MYH11: variants seen among roughly 807,000 people sequenced by gnomAD.
MYH11 encodes myosin heavy chain 11, also known as myosin-11.
MYH11 carries 80 observed loss-of-function variants against 246.6 expected under a neutral mutation model. The ratio of observed to expected loss-of-function variants is 0.32; its 90% CI spans 0.27 to 0.39. The LOEUF (loss-of-function observed/expected upper bound fraction) is 0.39. Among genes scored for constraint, MYH11 ranks in the 10% least tolerant of loss-of-function variants. The pLI is 1.00. For synonymous variants in MYH11, 1,071 were observed against 1,015.5 expected (o/e 1.05, Z -1.04); for missense variants, 2,158 against 2,546.8 (o/e 0.85, Z 3.29).
At chr16:15,738,735 C>A in intron 23 of MYH11, 47 bp from the exon 24 acceptor site, 1 of 1,603,076 alleles carries the variant, frequency 6.2e-7, no homozygotes, top group Non-Finnish European at 8.5e-7. Flanking sequence ...TTTCTTTTCT[C>A]TAGAATCTAT....
chr16:15,803,131 C>T (rs754057381), intron 3 of MYH11, among the ~76,000 whole-genome samples: 3 of 151,646 alleles, frequency 2.0e-5, no homozygotes, highest in Non-Finnish European at 4.4e-5. Flanking sequence ...AGCAAGACCC[C>T]ATCTCAAAGA....
chr16:15,706,956 A>C (rs1449083735), intron 40 of MYH11, among the ~76,000 whole-genome samples: 2 of 152,180 alleles, frequency 1.3e-5, no homozygotes, highest in Non-Finnish European at 2.9e-5. Flanking sequence ...TTCAAATCCT[A>C]GACCAAGGTT....
In MYH11 at chr16:15,721,700, A is replaced by G. The variant is rs747346244; in HGVS notation, c.4366-66T>C. On this transcript the variant is annotated intron_variant, in intron 31 of 40. Coordinates refer to ENST00000300036, the MANE Select transcript of MYH11 (RefSeq NM_002474.3). ...GGGTCAGCGTCACTGAATTGTAAAT[A>G]CCGGGGGAAGCCCTGTGTCCTGCTG... 1.3e-5 allele frequency: 20 copies of G among 1,551,862 alleles called. 1 individual carries two copies. The highest frequency in any genetic ancestry group is 1.7e-5 in the Non-Finnish European group (19 of 1,125,256).
chr16:15,826,221 A>C (rs901475167), intron 2 of MYH11, among the ~76,000 whole-genome samples: 1 of 152,166 alleles, frequency 6.6e-6, no homozygotes, highest in Non-Finnish European at 1.5e-5. Flanking sequence ...CTGGGACTAC[A>C]TTAGAACATT....
intron 3 of MYH11, among the ~76,000 whole-genome samples, chr16:15,816,454 T>C (rs1292631484): frequency 2.0e-5 from 3 of 151,886 alleles, no homozygotes; most frequent in Admixed American, 2.0e-4. Flanking sequence ...AAAAGAAAAG[T>C]CATACAGAAA....
chr16:15,767,890 C>A (rs778382955), intron 9 of MYH11, among the ~76,000 whole-genome samples: 1 of 151,556 alleles, frequency 6.6e-6, no homozygotes, highest in Non-Finnish European at 1.5e-5. Context: ...TCAGTGCCTC[C>A]AGGAGGAACA....
intron 40 of MYH11, among the ~76,000 whole-genome samples, chr16:15,710,957 C>G (rs1017851768): frequency 6.6e-6 from 1 of 152,164 alleles, no homozygotes; most frequent in Non-Finnish European, 1.5e-5. Context: ...GGATTACAGG[C>G]GTGAGCCACC....
At chr16:15,768,249 G>T (rs1258942239) in intron 9 of MYH11, among the ~76,000 whole-genome samples, 1 of 152,154 alleles carries the variant, frequency 6.6e-6, no homozygotes, top group Admixed American at 6.6e-5. Flanking sequence ...TACCACCAGG[G>T]ATACACAGGA....
intron 40 of MYH11, among the ~76,000 whole-genome samples, chr16:15,708,271 C>G (rs1244068896): frequency 6.6e-6 from 1 of 152,186 alleles, no homozygotes; most frequent in Non-Finnish European, 1.5e-5. Flanking sequence ...AAAGCTGAAT[C>G]ATGGGAGGAC....
intron 29 of MYH11, 23 bp downstream of exon 29, chr16:15,724,865 G>A: frequency 1.2e-6 from 2 of 1,613,898 alleles, no homozygotes; most frequent in Non-Finnish European, 1.7e-6. Context: ...CAGGTCCCCT[G>A]GATGATGTGG....
At chr16:15,827,190 T>A (rs548037733) in intron 2 of MYH11, among the ~76,000 whole-genome samples, 1 of 152,184 alleles carries the variant, frequency 6.6e-6, no homozygotes, top group East Asian at 1.9e-4. Flanking sequence ...CTCCTGCCCT[T>A]AAAGAACTTA....
intron 9 of MYH11, among the ~76,000 whole-genome samples, chr16:15,770,798 G>A (rs1458129963): frequency 6.6e-6 from 1 of 152,094 alleles, no homozygotes; most frequent in South Asian, 2.1e-4. Flanking sequence ...CTCCATTCAG[G>A]AACTTAAGCC....
chr16:15,760,740 A>G (rs1429194699), intron 10 of MYH11, 82 bp from the exon 11 acceptor site: 74 of 967,820 alleles, frequency 7.6e-5, no homozygotes, highest in Non-Finnish European at 1.1e-4. Flanking sequence ...GATATTTGTG[A>G]TCTGTGAATA....
intron 6 of MYH11, 151 bp downstream of exon 6, chr16:15,782,234 G>A: frequency 4.3e-6 from 3 of 699,986 alleles, no homozygotes; most frequent in Non-Finnish European, 7.8e-6. Context: ...ATGAGAGAGT[G>A]AGAGGCAGGA....
In MYH11 at chr16:15,753,389, C is replaced by T; in HGVS notation, c.1864+5G>A. ...GAACATGGACCCGAGCAGAGAAGGC[C>T]TTACCGTCCTTCCACAGGTCGGCCA... On this transcript the variant is annotated splice_donor_5th_base_variant and intron_variant, in intron 15 of 40. Coordinates refer to ENST00000300036, the MANE Select transcript of MYH11 (RefSeq NM_002474.3). 1.9e-6 allele frequency: 3 copies of T among 1,613,250 alleles called. 1 individual carries two copies. Among genetic ancestry groups the T allele is most frequent in the Non-Finnish European group, 2.5e-6 (3 of 1,179,230 alleles).
rs2041523025 is a variant in MYH11, at chr16:15,750,058, G to T, written c.2058+80C>A. 3 of 1,568,598 alleles carry T rather than the reference G, an allele frequency of 1.9e-6. No homozygotes were observed. In the East Asian group the frequency reaches 6.7e-5, roughly 35 times the overall value. ...GGGGTCCTCGGGGTAGGTGGGGGCA[G>T]AGGGCGCCCTGGGGACGCTGTGACC... is the stretch of plus-strand genomic sequence containing the variant. On this transcript the variant is annotated intron_variant, in intron 16 of 40. Coordinates refer to ENST00000300036, the MANE Select transcript of MYH11 (RefSeq NM_002474.3). The surrounding 1 kb of genome is among the most constrained non-coding windows in gnomAD (Gnocchi z 4.3).
intron 9 of MYH11, among the ~76,000 whole-genome samples, chr16:15,765,937 C>T (rs1390327969): frequency 6.6e-6 from 1 of 152,206 alleles, no homozygotes; most frequent in African/African-American, 2.4e-5. Flanking sequence ...AGCCGGCCAA[C>T]TCAGGGTTTC....
At chr16:15,847,375 C>T (rs2044220573) in intron 1 of MYH11, among the ~76,000 whole-genome samples, 1 of 151,624 alleles carries the variant, frequency 6.6e-6, no homozygotes, top group African/African-American at 2.4e-5. Flanking sequence ...CCCAGCCTCC[C>T]AAATAGTTGG....
intron 5 of MYH11, chr16:15,784,767 C>T (rs1191711545): frequency 6.2e-7 from 1 of 1,609,368 alleles, no homozygotes; most frequent in East Asian, 2.2e-5. Context: ...TTATTTCCAT[C>T]ACATGGACAT....
Sources: allele counts gnomAD v4.1 joint callset (sites outside exome capture counted in the v4.1 genomes callset), GRCh38; gene constraint gnomAD v4.1.1; non-coding constraint Gnocchi (gnomAD v3.1); transcripts MANE v1.5; gene names NCBI Gene and HGNC (gene_info 2026-07-23, HGNC 2026-07-21).